Variants in RGS13 observed in about 807,000 individuals in gnomAD.
RGS13 encodes regulator of G-protein signalling 13.
A neutral mutation model predicts 19.9 loss-of-function variants in RGS13; 14 were observed. That is an observed-to-expected ratio of 0.70 (90% confidence interval 0.46 to 1.10). The LOEUF (loss-of-function observed/expected upper bound fraction) is 1.10, where lower values mean the gene tolerates loss of function less well. Among genes scored for constraint, RGS13 ranks in the 50% least tolerant of loss-of-function variants. The pLI is 0.00. For missense variants in RGS13, 205 were observed against 187.1 expected (o/e 1.10, Z -0.56); for synonymous variants, 60 against 56.8 (o/e 1.06, Z -0.25).
chr1:192,644,531 T>C lies in RGS13; in HGVS notation c.65+132T>C, dbSNP rs79952339. 4,876 of 686,698 alleles carry C rather than the reference T, an allele frequency of 7.1e-3. 167 individuals carry two copies. In the Admixed American group the frequency reaches 0.074, roughly 10 times the overall value. 42.5% of individuals were successfully genotyped at this position (686,698 alleles called of 1,614,324 possible). On this transcript the variant is annotated intron_variant, in intron 4 of 6. Coordinates refer to ENST00000391995, the MANE Select transcript of RGS13 (RefSeq NM_002927.5). Reference sequence around the variant, plus strand: ...AAAATTTGCATTTACACGTGAGTCATTTCATCAGAAGAGCAGTCATATGTT... The same window carrying C: ...AAAATTTGCATTTACACGTGAGTCACTTCATCAGAAGAGCAGTCATATGTT...
chr1:192,651,597 T>A (rs1224812268), intron 5 of RGS13, among the ~76,000 whole-genome samples: 2 of 148,594 alleles, frequency 1.3e-5, no homozygotes, highest in African/African-American at 5.2e-5. Context: ...AAAGTAGGAA[T>A]GCAAAGTAGG....
At chr1:192,638,927 A>T (rs1273850351) in intron 3 of RGS13, among the ~76,000 whole-genome samples, 1 of 152,154 alleles carries the variant, frequency 6.6e-6, no homozygotes, top group East Asian at 1.9e-4. Context: ...TCATCAAATA[A>T]CATTCGAATG....
chr1:192,645,708 A>G (rs901918391), intron 4 of RGS13: 1 of 151,956 alleles, frequency 6.6e-6, no homozygotes, highest in Non-Finnish European at 1.5e-5. Flanking sequence ...AGGCACCTGG[A>G]TAGCCATGGG....
At position 192,659,351 on chromosome 1, in the gene RGS13, G is replaced by C; in HGVS notation, c.308G>C (p.Ser103Thr). Residue 103 changes from serine to threonine, a missense_variant, in exon 7 of 7, where the codon AGT becomes ACT. Transcript: ENST00000391995. ...PQSPREINIDSSTRETIIRNI... is the reference protein window; with the variant it reads ...PQSPREINIDTSTRETIIRNI... Reference sequence around the variant, plus strand: ...TTCACTTTTCAGATTAACATTGACAGTTCGACAAGAGAGACTATCATCAGG... The same window carrying C: ...TTCACTTTTCAGATTAACATTGACACTTCGACAAGAGAGACTATCATCAGG... 2 of 1,610,294 alleles carry C rather than the reference G, an allele frequency of 1.2e-6. No homozygotes were observed. The highest frequency in any genetic ancestry group is 2.2e-5 in the South Asian group (2 of 90,440).
intron 5 of RGS13, among the ~76,000 whole-genome samples, chr1:192,653,758 G>A (rs1663385056): frequency 6.6e-6 from 1 of 152,074 alleles, no homozygotes; most frequent in African/African-American, 2.4e-5. Flanking sequence ...CTGTGTTTGT[G>A]TAGATGAATG....
intron 4 of RGS13, chr1:192,647,017 T>C (rs868351969): frequency 9.2e-5 from 14 of 152,282 alleles, no homozygotes; most frequent in Middle Eastern, 6.8e-3. Context: ...TAACTTGACA[T>C]AATACACCTT....
intron 3 of RGS13, among the ~76,000 whole-genome samples, chr1:192,641,302 G>GAAAGAAAGAAAGA (rs1553257024): frequency 8.0e-6 from 1 of 125,214 alleles, no homozygotes; most frequent in African/African-American, 2.8e-5. Flanking sequence ...AAGAAAGAAA[G>GAAAGAAAGAAAGA]AAAGAAAAGA....
At chr1:192,644,127 T>C (rs1349893551) in intron 3 of RGS13, among the ~76,000 whole-genome samples, 4 of 152,154 alleles carry the variant, frequency 2.6e-5, no homozygotes, top group Admixed American at 6.6e-5. Flanking sequence ...TCTAAGCACG[T>C]ATATTTTTAT....
intron 1 of RGS13, among the ~76,000 whole-genome samples, 192 bp downstream of exon 1, chr1:192,636,509 A>G (rs1335700601): frequency 6.6e-6 from 1 of 151,956 alleles, no homozygotes; most frequent in Non-Finnish European, 1.5e-5. Flanking sequence ...ACTTAGAGTC[A>G]CTCCTTATAT....
chr1:192,650,346 A>T (rs2102034885), intron 5 of RGS13, among the ~76,000 whole-genome samples: 1 of 152,228 alleles, frequency 6.6e-6, no homozygotes, highest in Non-Finnish European at 1.5e-5. Context: ...CAACAATCAC[A>T]TAATAAGTAA....
chr1:192,637,264 C>G (rs764859240), intron 1 of RGS13, among the ~76,000 whole-genome samples: 14 of 150,984 alleles, frequency 9.3e-5, no homozygotes, highest in African/African-American at 3.2e-4. Flanking sequence ...CTAGTTTTAC[C>G]AAGAGGGTAT....
chr1:192,640,182 C>T (rs1273942093), intron 3 of RGS13, among the ~76,000 whole-genome samples: 1 of 152,042 alleles, frequency 6.6e-6, no homozygotes, highest in Non-Finnish European at 1.5e-5. Flanking sequence ...TTCCTATCCT[C>T]CTACTTAGAA....
At chr1:192,648,228 T>C (rs1374161652) in intron 5 of RGS13, among the ~76,000 whole-genome samples, 1 of 152,150 alleles carries the variant, frequency 6.6e-6, no homozygotes, top group Non-Finnish European at 1.5e-5. Context: ...ATGCACAAAA[T>C]CCCTTGGAAA....
intron 4 of RGS13, chr1:192,647,444 A>T (rs1038682571): frequency 6.6e-6 from 1 of 152,170 alleles, no homozygotes; most frequent in Non-Finnish European, 1.5e-5. Context: ...ATATTTCACC[A>T]TCACCATAAA....
chr1:192,657,031 A>T (rs1663455777), intron 5 of RGS13, among the ~76,000 whole-genome samples: 1 of 152,044 alleles, frequency 6.6e-6, no homozygotes, highest in Non-Finnish European at 1.5e-5. Context: ...TGTTAATCAA[A>T]ATCCTACGCT....
intron 3 of RGS13, 72 bp from the exon 4 acceptor site, chr1:192,644,257 TCC>T: frequency 1.9e-6 from 2 of 1,079,230 alleles, no homozygotes; most frequent in Non-Finnish European, 2.7e-6. Flanking sequence ...TATTGTATGT[TCC>T]TTAGAAACTG....
chr1:192,645,768 G>C (rs150262632), intron 4 of RGS13: 1 of 152,060 alleles, frequency 6.6e-6, no homozygotes, highest in East Asian at 1.9e-4. Flanking sequence ...AGCAAAAATG[G>C]GGTTCAATTA....
Position 192,644,344 on chromosome 1 carries a change from C to A in RGS13, c.10C>A (p.Arg4=). 1 of 1,609,018 alleles carries A rather than the reference C, an allele frequency of 6.2e-7. No individual in the cohort carries two copies. The highest frequency in any genetic ancestry group is 2.2e-5 in the East Asian group (1 of 44,666). Residue 4 remains arginine, a synonymous_variant, in exon 4 of 7, where the codon CGG becomes AGG. Transcript: ENST00000391995. MSR[R]NCWICKMCRD... ...GTATTTCCTTAGAAAAATGAGCAGG[C>A]GGAATTGTTGGATTTGTAAGATGTG...
chr1:192,659,596 A>G lies in RGS13; in HGVS notation c.*73A>G, dbSNP rs1382787078. Reference sequence around the variant, plus strand: ...GTTTGATCTTTTTATTTAGAAACCCACAAAATCAGAAACACAGTACAAATA... The same window carrying G: ...GTTTGATCTTTTTATTTAGAAACCCGCAAAATCAGAAACACAGTACAAATA... On this transcript the variant is annotated 3_prime_UTR_variant, in exon 7 of 7. Transcript: ENST00000391995. 2.8e-6 allele frequency: 3 copies of G among 1,053,876 alleles called. No individual in the cohort carries two copies. The highest frequency in any genetic ancestry group is 4.2e-6 in the Non-Finnish European group (3 of 719,046). The allele number at this position is 1,053,876 out of a possible 1,614,324, so 65.3% of individuals were successfully genotyped here.
Sources: gnomAD v4.1 joint callset for allele counts (sites outside exome capture counted in the v4.1 genomes callset) on GRCh38, gnomAD v4.1.1 for gene constraint, MANE v1.5 for transcripts, NCBI Gene and HGNC (gene_info 2026-07-23, HGNC 2026-07-21) for gene names.